The following FZD3 variants were observed in gnomAD, a reference collection of about 807,000 sequenced individuals.
FZD3 encodes frizzled class receptor 3, also known as frizzled-3.
A neutral mutation model predicts 60.7 loss-of-function variants in FZD3; 30 were observed. The ratio of observed to expected loss-of-function variants is 0.49; its 90% CI spans 0.37 to 0.67. The LOEUF (loss-of-function observed/expected upper bound fraction) is 0.67, where lower values mean the gene tolerates loss of function less well. FZD3 is among the 30% of genes least tolerant of loss of function. The pLI, the probability that FZD3 is intolerant of heterozygous loss-of-function variation, is 0.00. For synonymous variants in FZD3, 246 were observed against 275.2 expected (o/e 0.89, Z 1.05); for missense variants, 605 against 838.7 (o/e 0.72, Z 3.44).
At chr8:28,498,358 G>T (rs1039744838) in intron 1 of FZD3, among the ~76,000 whole-genome samples, 1 of 150,820 alleles carries the variant, frequency 6.6e-6, no homozygotes, top group African/African-American at 2.4e-5. Flanking sequence ...CCAAATGACT[G>T]TTAACTTTTA....
chr8:28,507,979 G>A (rs958732176), intron 3 of FZD3, among the ~76,000 whole-genome samples: 8 of 151,946 alleles, frequency 5.3e-5, no homozygotes, highest in African/African-American at 9.7e-5. Flanking sequence ...GTAGCCTGAA[G>A]CTCCTAAGCT....
intron 5 of FZD3, among the ~76,000 whole-genome samples, chr8:28,533,958 G>A (rs1804945087): frequency 9.4e-6 from 1 of 106,216 alleles, no homozygotes; most frequent in African/African-American, 3.0e-5. Flanking sequence ...GTTCAAAAAA[G>A]ATAAAGTACT....
intron 3 of FZD3, among the ~76,000 whole-genome samples, chr8:28,515,192 A>T (rs1027473927): frequency 2.0e-5 from 3 of 152,214 alleles, no homozygotes; most frequent in African/African-American, 7.2e-5. Flanking sequence ...TTGTGTTAGC[A>T]TTGGAATGTA....
intron 7 of FZD3, among the ~76,000 whole-genome samples, chr8:28,558,495 A>G (rs889105391): frequency 1.3e-5 from 2 of 151,290 alleles, no homozygotes; most frequent in Non-Finnish European, 2.9e-5. Flanking sequence ...CAGTGGTACT[A>G]TCTCAGCTCA....
chr8:28,569,272 GA>G lies in FZD3; in HGVS notation c.*6262del, dbSNP rs1765668081. 1.3e-5 allele frequency: 2 copies of G among 151,284 alleles called. No individual in the cohort carries two copies. Among genetic ancestry groups the G allele is most frequent in the African/African-American group, 2.4e-5 (1 of 41,204 alleles). The allele number at this position is 151,284 out of a possible 1,614,324, so 9.4% of individuals were successfully genotyped here. A position where few individuals can be genotyped will look rare whatever the true frequency, so the allele number is the denominator to read the frequency against. ...AAAAATCTATTTTCTAAATTGGCAGGATTTTTTTAATGATTAGTAAAACTGT... is the reference window on the plus strand; with the variant it reads ...AAAAATCTATTTTCTAAATTGGCAGGTTTTTTTAATGATTAGTAAAACTGT... On this transcript the variant is annotated 3_prime_UTR_variant, in exon 8 of 8. Coordinates refer to ENST00000240093, the MANE Select transcript of FZD3 (RefSeq NM_017412.4).
At chr8:28,554,057 A>T (rs1585191933) in intron 6 of FZD3, among the ~76,000 whole-genome samples, 1 of 152,266 alleles carries the variant, frequency 6.6e-6, no homozygotes, top group South Asian at 2.1e-4. Flanking sequence ...ACTGTGCTGT[A>T]GACTGGTTTC....
chr8:28,511,245 TG>T (rs1185330889), intron 3 of FZD3, among the ~76,000 whole-genome samples: 1 of 151,906 alleles, frequency 6.6e-6, no homozygotes, highest in South Asian at 2.1e-4. Flanking sequence ...CCCAGCACTT[TG>T]GGAGGCCGAG....
rs552799678 is a variant in FZD3, at chr8:28,536,581, C to T, written c.1404+8417C>T. 4.6e-5 allele frequency among the ~76,000 whole-genome samples: 7 copies of T among 152,110 alleles called. No homozygotes were observed. In the South Asian group the frequency reaches 6.2e-4, roughly 14 times the overall value. On this transcript the variant is annotated intron_variant, in intron 5 of 7. Coordinates refer to ENST00000240093, the MANE Select transcript of FZD3 (RefSeq NM_017412.4). ...AAATTAGCCGGGCTGTGGTGGCACA[C>T]GCCTATAATCCCAGCTACTCAGGAG... is the stretch of plus-strand genomic sequence containing the variant.
chr8:28,555,283 A>G lies in FZD3; in HGVS notation c.1554-455A>G, dbSNP rs28666790. 5.2e-3 allele frequency among the ~76,000 whole-genome samples: 795 copies of G among 152,328 alleles called. 4 individuals carry two copies. The highest frequency in any genetic ancestry group is 0.016 in the African/African-American group (668 of 41,574). On this transcript the variant is annotated intron_variant, in intron 6 of 7. Transcript: ENST00000240093. ...TCCATGCTACAGTGAAGCCTCTACT[A>G]GTTTTATAAACCATGCAAGAAAACA...
At chr8:28,540,990 AAACT>A (rs1442724234) in intron 5 of FZD3, among the ~76,000 whole-genome samples, 1 of 152,176 alleles carries the variant, frequency 6.6e-6, no homozygotes, top group Admixed American at 6.5e-5. Context: ...TTAAAAATAA[AAACT>A]AAACACTGTA....
At chr8:28,498,840 C>CGT (rs1803915525) in intron 1 of FZD3, among the ~76,000 whole-genome samples, 1 of 152,206 alleles carries the variant, frequency 6.6e-6, no homozygotes, top group East Asian at 1.9e-4. Context: ...GCTTGGATTA[C>CGT]AGGCGTGAGC....
intron 5 of FZD3, among the ~76,000 whole-genome samples, chr8:28,537,855 G>A (rs979276354): frequency 3.3e-5 from 5 of 152,166 alleles, no homozygotes; most frequent in South Asian, 4.2e-4. Context: ...GGTGGCTCAC[G>A]CCTGCGATCC....
chr8:28,530,851 C>A (rs1043704458), intron 5 of FZD3, among the ~76,000 whole-genome samples: 5 of 152,108 alleles, frequency 3.3e-5, no homozygotes, highest in Admixed American at 2.0e-4. Context: ...ACATGTATTT[C>A]TTTGACTAAA....
intron 4 of FZD3, among the ~76,000 whole-genome samples, chr8:28,521,634 A>G (rs1453013813): frequency 6.6e-6 from 1 of 152,092 alleles, no homozygotes; most frequent in Non-Finnish European, 1.5e-5. Flanking sequence ...GATAATCTTT[A>G]TGTTGAATTT....
intron 1 of FZD3, among the ~76,000 whole-genome samples, chr8:28,495,908 C>G (rs988154714): frequency 2.4e-4 from 36 of 151,988 alleles, no homozygotes; most frequent in African/African-American, 8.5e-4. Context: ...TAAAGCCTAT[C>G]ATTCTACCCT....
intron 5 of FZD3, among the ~76,000 whole-genome samples, chr8:28,535,887 T>G (rs1046862611): frequency 6.6e-6 from 1 of 152,232 alleles, no homozygotes; most frequent in Admixed American, 6.5e-5. Flanking sequence ...TCAAAGATTC[T>G]TGATATTTCT....
chr8:28,518,316 T>G (rs1030478851), intron 3 of FZD3, among the ~76,000 whole-genome samples: 3 of 151,648 alleles, frequency 2.0e-5, no homozygotes, highest in Non-Finnish European at 2.9e-5. Context: ...CCTCGGCCTC[T>G]CAGAGTGCTG....
intron 7 of FZD3, 123 bp from the exon 8 acceptor site, chr8:28,562,675 T>TTAC (rs1805634577): frequency 1.5e-6 from 1 of 654,778 alleles, no homozygotes; most frequent in Non-Finnish European, 2.7e-6. Context: ...AAGTTGGTTA[T>TTAC]TACTTTCTCA....
At chr8:28,551,929 T>C (rs747557751) in intron 6 of FZD3, among the ~76,000 whole-genome samples, 178 bp downstream of exon 6, 4 of 152,210 alleles carry the variant, frequency 2.6e-5, no homozygotes, top group Admixed American at 6.6e-5. Flanking sequence ...TAAAAACTTA[T>C]TTTGAGAAGA....
Sources: gnomAD v4.1 joint callset for allele counts (sites outside exome capture counted in the v4.1 genomes callset) on GRCh38, gnomAD v4.1.1 for gene constraint, MANE v1.5 for transcripts, NCBI Gene and HGNC (gene_info 2026-07-23, HGNC 2026-07-21) for gene names.